The following POM121 variants were observed in gnomAD, a reference collection of about 807,000 sequenced individuals.
The protein encoded by POM121 is POM121 transmembrane nucleoporin, also known as nuclear envelope pore membrane protein POM 121.
A neutral mutation model predicts 81.3 loss-of-function variants in POM121; 32 were observed. That is an observed-to-expected ratio of 0.39 (90% CI 0.30 to 0.53). POM121 has a LOEUF of 0.53. Among genes scored for constraint, POM121 ranks in the 20% least tolerant of loss-of-function variants. POM121 has a pLI of 0.66. For missense variants in POM121, 1,138 were observed against 1,614.6 expected (o/e 0.70, Z 5.06); for synonymous variants, 514 against 694.2 (o/e 0.74, Z 4.08).
intron 3 of POM121, among the ~76,000 whole-genome samples, chr7:72,902,381 G>A (rs1792766827): frequency 6.7e-6 from 1 of 149,392 alleles, no homozygotes; most frequent in East Asian, 2.0e-4. Context: ...TCCTGTCTCA[G>A]CCTCCTGAGT....
intron 3 of POM121, among the ~76,000 whole-genome samples, chr7:72,894,675 G>GAGAGAGAGAGAGAT (rs1791743364): frequency 7.0e-6 from 1 of 142,512 alleles, no homozygotes; most frequent in African/African-American, 2.5e-5. Context: ...GAGAGAGAGA[G>GAGAGAGAGAGAGAT]AGAGAGATCT....
intron 4 of POM121, among the ~76,000 whole-genome samples, chr7:72,914,449 CAG>C (rs1794101892): frequency 6.6e-6 from 1 of 150,810 alleles, no homozygotes; most frequent in Non-Finnish European, 1.5e-5. Flanking sequence ...GTAACTGAAA[CAG>C]ACTTCACTTC....
chr7:72,886,153 G>GTATTTATT (rs201459871), intron 1 of POM121, among the ~76,000 whole-genome samples: 4,053 of 137,848 alleles, frequency 0.029, 69 homozygotes, highest in African/African-American at 0.081. Context: ...TAATTAAACA[G>GTATTTATT]TATTTATTTA....
intron 1 of POM121, among the ~76,000 whole-genome samples, chr7:72,880,258 A>ATCGT (rs782569750): frequency 3.3e-5 from 5 of 152,110 alleles, no homozygotes; most frequent in Non-Finnish European, 7.4e-5. Flanking sequence ...CCCTGGGAGA[A>ATCGT]TCGTAGTAAT....
rs1291791612 is a variant in POM121, at chr7:72,925,416, G to T, written c.295G>T (p.Ala99Ser). Reference protein sequence around the residue: ...RRPLSSFVRKARHRRTLFASP... With the variant: ...RRPLSSFVRKSRHRRTLFASP... ...CCCCTTGTCCTCCTTCGTTCGGAAG[G>T]CGCGTCATCGGCGAACACTGTTCGC... Residue 99 changes from alanine (A) to serine (S), a missense_variant, in exon 1 of 13, where the codon GCG (alanine) becomes TCG (serine). Ala to Ser is a moderately conservative substitution (Grantham distance 99). Coordinates refer to ENST00000434423, the MANE Select transcript of POM121 (RefSeq NM_001387691.1). 1 of 1,532,822 alleles carries T rather than the reference G, an allele frequency of 6.5e-7. No homozygotes were observed. The highest frequency in any genetic ancestry group is 8.7e-7 in the Non-Finnish European group (1 of 1,145,932). 95.0% of individuals were successfully genotyped at this position (1,532,822 alleles called of 1,614,324 possible).
intron 4 of POM121, among the ~76,000 whole-genome samples, chr7:72,919,008 C>A (rs1219003412): frequency 1.3e-5 from 2 of 152,032 alleles, no homozygotes; most frequent in South Asian, 2.1e-4. Flanking sequence ...ACCGTGTTAA[C>A]CAGGATGGTC....
chr7:72,892,669 C>A (rs1288054528), intron 3 of POM121, among the ~76,000 whole-genome samples: 1 of 151,532 alleles, frequency 6.6e-6, no homozygotes, highest in African/African-American at 2.4e-5. Context: ...CCCTTCCTTC[C>A]TTCCTTCCAT....
chr7:72,931,889 C>T (rs568080765), intron 5 of POM121, among the ~76,000 whole-genome samples: 4 of 152,184 alleles, frequency 2.6e-5, no homozygotes, highest in South Asian at 4.2e-4. Context: ...TTCAAAATAG[C>T]GGTATCAGTG....
chr7:72,929,930 CT>C lies in POM121; in HGVS notation c.1104-6del. 1 of 1,578,224 alleles carries C rather than the reference CT, an allele frequency of 6.3e-7. No homozygotes were observed. The highest frequency in any genetic ancestry group is 1.1e-5 in the South Asian group (1 of 88,010). On this transcript the variant is annotated splice_polypyrimidine_tract_variant and intron_variant, in intron 4 of 12. Transcript: ENST00000434423. ...TCAATAAAGCATCTAACTGTCTTCT[CT>C]TTTATTAGGCCTGGGTCTCTGAAGA...
chr7:72,927,653 T>C (rs1554497815), intron 3 of POM121, among the ~76,000 whole-genome samples: 1 of 150,070 alleles, frequency 6.7e-6, no homozygotes, highest in East Asian at 2.0e-4. Context: ...GAGGTTGCAG[T>C]GAGCTGAGAC....
At chr7:72,899,501 TC>T (rs1792347685) in intron 3 of POM121, among the ~76,000 whole-genome samples, 1 of 152,086 alleles carries the variant, frequency 6.6e-6, no homozygotes, top group Non-Finnish European at 1.5e-5. Context: ...AGACGGGTGT[TC>T]CAGATCATGA....
chr7:72,928,669 G>A (rs1554498035), intron 4 of POM121, among the ~76,000 whole-genome samples: 1 of 152,202 alleles, frequency 6.6e-6, no homozygotes. Flanking sequence ...CATTAATATG[G>A]ATGAAATATG....
chr7:72,923,275 CT>C (rs1293465208), upstream of POM121, among the ~76,000 whole-genome samples: 7 of 152,142 alleles, frequency 4.6e-5, no homozygotes, highest in African/African-American at 1.7e-4. Context: ...ACCTTTCCAA[CT>C]TTTCTATCCC....
downstream of POM121, chr7:72,949,998 C>T: frequency 6.4e-7 from 1 of 1,563,920 alleles, no homozygotes. Context: ...TAAACAGAGA[C>T]CCCAGGCTAG....
chr7:72,925,966 CTCT>C (rs1276118110), intron 1 of POM121, among the ~76,000 whole-genome samples: 1 of 152,114 alleles, frequency 6.6e-6, no homozygotes, highest in Admixed American at 6.5e-5. Context: ...CAAAACGATT[CTCT>C]TCTTTCCAGT....
chr7:72,925,597 G>C lies in POM121; in HGVS notation c.476G>C (p.Arg159Pro). 6.6e-7 allele frequency: 1 copy of C among 1,508,676 alleles called. No homozygotes were observed. Among genetic ancestry groups the C allele is most frequent in the Non-Finnish European group, 8.8e-7 (1 of 1,134,556 alleles). 93.5% of individuals were successfully genotyped at this position (1,508,676 alleles called of 1,614,324 possible). A position where few individuals can be genotyped will look rare whatever the true frequency, so the allele number is the denominator to read the frequency against. Reference protein sequence around the residue: ...PAAAPEGQDLRDRPGRRPPAR... With the variant: ...PAAAPEGQDLPDRPGRRPPAR... Reference sequence around the variant, plus strand: ...GCCGCTCCGGAGGGCCAGGACCTGCGGGATAGGCCTGGCCGCCGCCCACCT... The same window carrying C: ...GCCGCTCCGGAGGGCCAGGACCTGCCGGATAGGCCTGGCCGCCGCCCACCT... Residue 159 changes from arginine (R) to proline (P), a missense_variant, in exon 1 of 13, where the codon CGG becomes CCG. Physicochemically the swap from Arg to Pro is moderately radical, Grantham distance 103. This residue lies in a region of POM121 where 646 missense variants were observed against 633.5 expected (regional missense o/e 1.02). Coordinates refer to ENST00000434423, the MANE Select transcript of POM121 (RefSeq NM_001387691.1).
intron 1 of POM121, among the ~76,000 whole-genome samples, chr7:72,884,872 A>C (rs1586059251): frequency 6.6e-6 from 1 of 152,116 alleles, no homozygotes; most frequent in Non-Finnish European, 1.5e-5. Context: ...ATTCTATTAA[A>C]TATCCATAGC....
intron 2 of POM121, chr7:72,890,845 G>A (rs1791233937): frequency 3.6e-6 from 5 of 1,401,712 alleles, no homozygotes; most frequent in African/African-American, 1.4e-5. Context: ...TTAATTCCTT[G>A]TGGGCACTAG....
intron 2 of POM121, 123 bp from the exon 3 acceptor site, chr7:72,926,679 C>T: frequency 6.7e-7 from 1 of 1,494,552 alleles, no homozygotes; most frequent in Non-Finnish European, 9.1e-7. Flanking sequence ...ACGGGAACTG[C>T]TGTGAGTGTA....
Sources: allele counts gnomAD v4.1 joint callset (sites outside exome capture counted in the v4.1 genomes callset), GRCh38; gene constraint gnomAD v4.1.1; regional missense constraint gnomAD v4.1.1; transcripts MANE v1.5; gene names NCBI Gene and HGNC (gene_info 2026-07-23, HGNC 2026-07-21).